WIPI1: variants seen among roughly 807,000 people sequenced by gnomAD.
The protein encoded by WIPI1 is WD repeat domain, phosphoinositide interacting 1.
A neutral mutation model predicts 55.3 loss-of-function variants in WIPI1; 45 were observed. The observed-to-expected ratio is 0.81, with a 90% CI of 0.64 to 1.04. WIPI1 has a LOEUF of 1.04. Ranked by LOEUF, WIPI1 falls within the 50% of genes least tolerant of loss-of-function variation. The pLI, the probability that WIPI1 is intolerant of heterozygous loss-of-function variation, is 0.00. For missense variants in WIPI1, 445 were observed against 559.0 expected (o/e 0.80, Z 2.06); for synonymous variants, 195 against 217.6 (o/e 0.90, Z 0.92).
rs1316424396 is a variant in WIPI1, at chr17:68,426,249, C to CGGGG, written c.1193-78_1193-75dup. 2.6e-4 allele frequency: 207 copies of CGGGG among 787,960 alleles called. 6 individuals carry two copies. The African/African-American group carries it at 3.4e-3, about 13-fold the overall frequency. The allele number at this position is 787,960 out of a possible 1,614,324, so 48.8% of individuals were successfully genotyped here. A position where few individuals can be genotyped will look rare whatever the true frequency, so the allele number is the denominator to read the frequency against. On this transcript the variant is annotated intron_variant, in intron 11 of 12. Coordinates refer to ENST00000262139, the MANE Select transcript of WIPI1 (RefSeq NM_017983.7). ...ATGCCATGACCTGGCGGGTGGGGAGCGGGGGCTCAAATAAAGGGCAAAGGA... is the reference window on the plus strand; with the variant it reads ...ATGCCATGACCTGGCGGGTGGGGAGCGGGGGGGGGCTCAAATAAAGGGCAAAGGA...
intron 8 of WIPI1, among the ~76,000 whole-genome samples, chr17:68,431,461 G>T (rs915333610): frequency 6.6e-6 from 1 of 152,080 alleles, no homozygotes; most frequent in African/African-American, 2.4e-5. Flanking sequence ...TGGCTGCTGG[G>T]CTCTGCAGCA....
intron 1 of WIPI1, among the ~76,000 whole-genome samples, chr17:68,454,169 C>T (rs1167423523): frequency 6.6e-6 from 1 of 152,186 alleles, no homozygotes; most frequent in African/African-American, 2.4e-5. Flanking sequence ...ACATCAAAGT[C>T]AACTTTGTTC....
chr17:68,447,984 C>CAAAAAAAAAAAAAAAAAAAAAAAAAA (rs5821653), intron 3 of WIPI1, among the ~76,000 whole-genome samples: 1 of 80,284 alleles, frequency 1.2e-5, no homozygotes, highest in Non-Finnish European at 2.5e-5. Context: ...GACTCTATCT[C>CAAAAAAAAAAAAAAAAAAAAAAAAAA]AAAAAAAAAA....
chr17:68,451,382 C>T (rs897641865), intron 2 of WIPI1, among the ~76,000 whole-genome samples: 4 of 152,038 alleles, frequency 2.6e-5, no homozygotes, highest in Admixed American at 2.6e-4. Flanking sequence ...TGCAGTGAGC[C>T]GAGATCACAA....
At chr17:68,447,113 C>A (rs574232297) in intron 3 of WIPI1, among the ~76,000 whole-genome samples, 1 of 152,284 alleles carries the variant, frequency 6.6e-6, no homozygotes, top group East Asian at 1.9e-4. Flanking sequence ...GCAATAACTC[C>A]TTTTATCAAT....
At chr17:68,427,058 G>A in intron 11 of WIPI1, 77 bp downstream of exon 11, 1 of 1,228,110 alleles carries the variant, frequency 8.1e-7, no homozygotes, top group Non-Finnish European at 1.2e-6. Flanking sequence ...GAAGGGGGAA[G>A]GGGAGGGAGC....
chr17:68,451,016 C>G, intron 2 of WIPI1, 119 bp from the exon 3 acceptor site: 1 of 1,359,318 alleles, frequency 7.4e-7, no homozygotes, highest in Non-Finnish European at 9.8e-7. Flanking sequence ...GTCTTGCCGG[C>G]CAGGCGCCCT....
At chr17:68,436,294 C>T (rs2083782213) in intron 5 of WIPI1, 88 bp downstream of exon 5, 4 of 1,239,010 alleles carry the variant, frequency 3.2e-6, no homozygotes, top group Non-Finnish European at 3.6e-6. Flanking sequence ...CCTCCAGCCC[C>T]CGACGGCAGG....
At chr17:68,432,113 A>G (rs2083556028) in intron 8 of WIPI1, among the ~76,000 whole-genome samples, 1 of 152,124 alleles carries the variant, frequency 6.6e-6, no homozygotes, top group Non-Finnish European at 1.5e-5. Context: ...AGGACAAACA[A>G]TGAGCTTTGG....
At chr17:68,445,465 C>T (rs547073003) in intron 3 of WIPI1, among the ~76,000 whole-genome samples, 3 of 152,266 alleles carry the variant, frequency 2.0e-5, no homozygotes, top group Admixed American at 6.5e-5. Flanking sequence ...GCTTTTGGGC[C>T]GCTGTCTGAG....
In WIPI1 at chr17:68,450,807, A is replaced by C. The variant is rs2084470624; in HGVS notation, c.254T>G (p.Val85Gly). The C allele has an allele frequency of 6.2e-7, 1 of 1,613,994 alleles. No homozygotes were observed. The highest frequency in any genetic ancestry group is 1.3e-5 in the African/African-American group (1 of 74,922). ...CTCTGTGCCTTTCTTGAAGTGATAC[A>C]CGTTCATCTGCCGTGGTTTTGTGTG... ...VSHTKPRQMN[V>G]YHFKKGTEIC... Residue 85 changes from valine to glycine, a missense_variant, in exon 3 of 13, where the codon GTG becomes GGG. By Grantham distance (109) the Val-to-Gly change is moderately radical. Coordinates refer to ENST00000262139, the MANE Select transcript of WIPI1 (RefSeq NM_017983.7).
chr17:68,435,656 A>G lies in WIPI1; in HGVS notation c.585T>C (p.Asn195=), dbSNP rs2083749526. 1 of 1,614,242 alleles carries G rather than the reference A, an allele frequency of 6.2e-7. No individual in the cohort carries two copies. The highest frequency in any genetic ancestry group is 2.2e-5 in the East Asian group (1 of 44,890). ...CACTTGCTAGTTTGGAGCCTGAGGC[A>G]TTGAAGGTGATGGCAGCTAGTGTTC... ...HEGTLAAITF[N]ASGSKLASAS... is the part of the protein sequence containing the mutation. The change falls in exon 6 of 13, where the codon AAT becomes AAC. Residue 195 remains asparagine, a synonymous_variant. Coordinates refer to ENST00000262139, the MANE Select transcript of WIPI1 (RefSeq NM_017983.7).
intron 7 of WIPI1, 114 bp downstream of exon 7, chr17:68,434,442 T>C: frequency 9.6e-7 from 1 of 1,039,398 alleles, no homozygotes; most frequent in Non-Finnish European, 1.4e-6. Context: ...TTACACTTCC[T>C]CCAGGTGAGT....
chr17:68,435,349 T>A (rs561009665), intron 6 of WIPI1, among the ~76,000 whole-genome samples: 1 of 152,254 alleles, frequency 6.6e-6, no homozygotes. Context: ...TCTCTACGGC[T>A]GATGTACACG....
intron 9 of WIPI1, 46 bp from the exon 10 acceptor site, chr17:68,428,982 C>A: frequency 6.9e-7 from 1 of 1,449,630 alleles, no homozygotes. Context: ...CGAAGATGGG[C>A]GATGGATTCG....
intron 3 of WIPI1, among the ~76,000 whole-genome samples, chr17:68,447,704 G>C (rs886519531): frequency 1.3e-5 from 2 of 152,120 alleles, no homozygotes; most frequent in Admixed American, 6.5e-5. Context: ...AGAAAAAAGG[G>C]ATTTGGGGCC....
intron 4 of WIPI1, among the ~76,000 whole-genome samples, chr17:68,442,587 C>T (rs1158494429): frequency 1.3e-5 from 2 of 152,010 alleles, no homozygotes; most frequent in African/African-American, 2.4e-5. Flanking sequence ...CATTTACTGT[C>T]CACTCCCCTC....
At chr17:68,447,094 G>C (rs2084314595) in intron 3 of WIPI1, among the ~76,000 whole-genome samples, 1 of 152,084 alleles carries the variant, frequency 6.6e-6, no homozygotes, top group South Asian at 2.1e-4. Context: ...ACTTTTCTAG[G>C]TTTTATAAGC....
intron 4 of WIPI1, among the ~76,000 whole-genome samples, chr17:68,443,743 A>G (rs76744855): frequency 0.11 from 16,531 of 152,252 alleles, 985 homozygotes; most frequent in South Asian, 0.23. Flanking sequence ...ACTGAAATAT[A>G]ATAGAAGCAG....
Sources: gnomAD v4.1 joint callset for allele counts (sites outside exome capture counted in the v4.1 genomes callset) on GRCh38, gnomAD v4.1.1 for gene constraint, MANE v1.5 for transcripts, NCBI Gene and HGNC (gene_info 2026-07-23, HGNC 2026-07-21) for gene names.